The following TBC1D22A variants were observed in gnomAD, a reference collection of about 807,000 sequenced individuals.
The protein encoded by TBC1D22A is putative GTPase activator.
A neutral mutation model predicts 60.2 loss-of-function variants in TBC1D22A; 38 were observed. The ratio of observed to expected loss-of-function variants is 0.63; its 90% CI spans 0.49 to 0.83. TBC1D22A has a LOEUF of 0.83. TBC1D22A is among the 40% of genes least tolerant of loss of function. The pLI is 0.00. For missense variants in TBC1D22A, 628 were observed against 701.0 expected (o/e 0.90, Z 1.18); for synonymous variants, 302 against 281.7 (o/e 1.07, Z -0.72).
At chr22:46,955,580 CTTTCT>C (rs2148027759) in intron 8 of TBC1D22A, among the ~76,000 whole-genome samples, 1 of 152,292 alleles carries the variant, frequency 6.6e-6, no homozygotes, top group South Asian at 2.1e-4. Flanking sequence ...AATTAAAATT[CTTTCT>C]TTTAGAAATA....
intron 9 of TBC1D22A, among the ~76,000 whole-genome samples, chr22:46,981,061 G>A (rs1037577597): frequency 1.1e-4 from 16 of 152,218 alleles, no homozygotes; most frequent in African/African-American, 3.4e-4. Context: ...TAGTTAGGTA[G>A]CTCTGTAGCC....
intron 8 of TBC1D22A, chr22:46,915,827 C>T (rs2070328637): frequency 2.2e-6 from 1 of 456,478 alleles, no homozygotes; most frequent in South Asian, 1.5e-5. Context: ...GTGGGGAATC[C>T]TGGAGTGTGG....
intron 4 of TBC1D22A, among the ~76,000 whole-genome samples, chr22:46,803,302 G>C (rs952487455): frequency 2.6e-5 from 4 of 152,208 alleles, no homozygotes; most frequent in African/African-American, 9.6e-5. Flanking sequence ...GCTGGGAACC[G>C]GGGTCACCCC....
Position 47,059,184 on chromosome 22 carries a change from G to T in TBC1D22A, c.1329+21986G>T, listed in dbSNP as rs1208992807. Among the ~76,000 whole-genome samples, 5 of 152,258 alleles carry T rather than the reference G, an allele frequency of 3.3e-5. No homozygotes were observed. The East Asian group carries it at 7.7e-4, about 23-fold the overall frequency. On this transcript the variant is annotated intron_variant, in intron 11 of 12. Transcript: ENST00000337137. ...GCTGGTAAGTAGCAAAGCGCTGGGGGACAGGCCATGCCGTGTGGGCGCCTC... is the reference window on the plus strand; with the variant it reads ...GCTGGTAAGTAGCAAAGCGCTGGGGTACAGGCCATGCCGTGTGGGCGCCTC...
At chr22:46,829,918 A>G (rs1186725775) in intron 4 of TBC1D22A, among the ~76,000 whole-genome samples, 1 of 152,122 alleles carries the variant, frequency 6.6e-6, no homozygotes, top group Non-Finnish European at 1.5e-5. Context: ...ATCCCAAGAC[A>G]CCAGATTCAG....
At chr22:46,911,380 T>G (rs984424399) in intron 7 of TBC1D22A, among the ~76,000 whole-genome samples, 1 of 152,148 alleles carries the variant, frequency 6.6e-6, no homozygotes, top group Non-Finnish European at 1.5e-5. Flanking sequence ...GAGGGAAATT[T>G]AGAGCATCCA....
At chr22:47,124,525 G>A (rs1400613513) in intron 12 of TBC1D22A, among the ~76,000 whole-genome samples, 1 of 152,230 alleles carries the variant, frequency 6.6e-6, no homozygotes, top group Non-Finnish European at 1.5e-5. Context: ...GCTCTATGGG[G>A]AGGGGACCTG....
intron 8 of TBC1D22A, among the ~76,000 whole-genome samples, chr22:46,932,183 T>G (rs1261422584): frequency 6.6e-6 from 1 of 152,208 alleles, no homozygotes; most frequent in African/African-American, 2.4e-5. Context: ...GACACTGCGC[T>G]AAGCAGGTCA....
chr22:46,889,517 T>TTAA (rs1229041986), intron 5 of TBC1D22A, among the ~76,000 whole-genome samples: 1 of 152,138 alleles, frequency 6.6e-6, no homozygotes, highest in Non-Finnish European at 1.5e-5. Context: ...TCCTAGGTAT[T>TTAA]TAACCATGAA....
At chr22:47,063,268 G>C (rs1282760874) in intron 11 of TBC1D22A, among the ~76,000 whole-genome samples, 1 of 152,178 alleles carries the variant, frequency 6.6e-6, no homozygotes, top group Non-Finnish European at 1.5e-5. Context: ...GCGCAGCCAA[G>C]GCTGTGCGTG....
intron 10 of TBC1D22A, among the ~76,000 whole-genome samples, chr22:47,031,224 G>A (rs186998252): frequency 1.3e-5 from 2 of 152,212 alleles, no homozygotes; most frequent in African/African-American, 4.8e-5. Flanking sequence ...CAGGCAGAAG[G>A]CCAGGCACTC....
intron 5 of TBC1D22A, among the ~76,000 whole-genome samples, chr22:46,888,979 C>T (rs560994803): frequency 4.6e-4 from 70 of 152,344 alleles, no homozygotes; most frequent in African/African-American, 1.5e-3. Context: ...GCTGGGATTA[C>T]AGGTGTGAGC....
chr22:47,040,007 C>T (rs1450228782), intron 11 of TBC1D22A, among the ~76,000 whole-genome samples: 4 of 132,978 alleles, frequency 3.0e-5, no homozygotes, highest in Admixed American at 8.4e-5. Flanking sequence ...TGCAGTGGTG[C>T]GATCTCGGCC....
At chr22:46,784,932 G>A (rs1277309531) in intron 1 of TBC1D22A, among the ~76,000 whole-genome samples, 2 of 152,178 alleles carry the variant, frequency 1.3e-5, no homozygotes, top group Non-Finnish European at 2.9e-5. Flanking sequence ...CAGCTAGTAA[G>A]TGTTGGAGCT....
Position 46,793,560 on chromosome 22 carries a change from C to G in TBC1D22A, c.179C>G (p.Thr60Ser). 1 of 1,614,132 alleles carries G rather than the reference C, an allele frequency of 6.2e-7. No homozygotes were observed. Among genetic ancestry groups the G allele is most frequent in the African/African-American group, 1.3e-5 (1 of 75,046 alleles). Residue 60 changes from threonine (T) to serine (S), a missense_variant, in exon 3 of 13, where the codon ACC becomes AGC. Coordinates refer to ENST00000337137, the MANE Select transcript of TBC1D22A (RefSeq NM_014346.5). ...TTPVKAKRVSTFQEFESNTSD... is the reference protein window; with the variant it reads ...TTPVKAKRVSSFQEFESNTSD... ...CCAGTGAAGGCCAAGAGGGTCAGCA[C>G]CTTCCAGGAGTTTGAGAGCAATACC... is the stretch of plus-strand genomic sequence containing the variant.
intron 5 of TBC1D22A, 66 bp downstream of exon 5, chr22:46,878,789 TGAGTAG>T (rs1826720838): frequency 3.7e-5 from 56 of 1,502,570 alleles, no homozygotes; most frequent in Non-Finnish European, 5.0e-5. Context: ...GCGTCTGGCC[TGAGTAG>T]GGCCTGACAG....
intron 11 of TBC1D22A, among the ~76,000 whole-genome samples, chr22:47,067,717 C>G (rs1024342778): frequency 6.6e-6 from 1 of 152,194 alleles, no homozygotes; most frequent in Admixed American, 6.5e-5. Context: ...GGACCATCGT[C>G]ATGTATTTAA....
At position 46,913,269 on chromosome 22, in the gene TBC1D22A, G is replaced by A. The variant is rs562502915; in HGVS notation, c.1015+1081G>A. On this transcript the variant is annotated intron_variant, in intron 8 of 12. Coordinates refer to ENST00000337137, the MANE Select transcript of TBC1D22A (RefSeq NM_014346.5). ...GTCACAGCATTTTAATTTAAACCTG[G>A]TTTTGTCTTCCTGCAAGCCTTCTGG... The A allele has an allele frequency of 1.4e-3, 1,718 of 1,243,016 alleles. 3 individuals are homozygous for A. The highest frequency in any genetic ancestry group is 1.7e-3 in the Non-Finnish European group (1,566 of 926,324). The allele number at this position is 1,243,016 out of a possible 1,614,324, so 77.0% of individuals were successfully genotyped here.
chr22:46,937,478 T>C (rs1411278692), intron 8 of TBC1D22A, among the ~76,000 whole-genome samples: 7 of 152,240 alleles, frequency 4.6e-5, no homozygotes, highest in African/African-American at 7.2e-5. Flanking sequence ...ACTGCCGGTC[T>C]GTAAGAAATG....
Sources: gnomAD v4.1 joint callset for allele counts (sites outside exome capture counted in the v4.1 genomes callset) on GRCh38, gnomAD v4.1.1 for gene constraint, MANE v1.5 for transcripts, NCBI Gene and HGNC (gene_info 2026-07-23, HGNC 2026-07-21) for gene names.